The following GAK variants were observed in gnomAD, a reference collection of about 807,000 sequenced individuals.
The protein encoded by GAK is cyclin G associated kinase.
Under a neutral mutation model 143.9 loss-of-function variants are expected in GAK, and 79 were observed. The ratio of observed to expected loss-of-function variants is 0.55; its 90% confidence interval spans 0.46 to 0.66. GAK has a LOEUF of 0.66. GAK is among the 30% of genes least tolerant of loss of function. GAK has a pLI of 0.00. For missense variants in GAK, 1,693 were observed against 1,779.7 expected (o/e 0.95, Z 0.88); for synonymous variants, 881 against 765.5 (o/e 1.15, Z -2.49).
chr4:893,392 C>T lies in GAK; in HGVS notation c.975G>A (p.Lys325=), dbSNP rs761048019. The T allele has an allele frequency of 7.6e-6, 12 of 1,581,932 alleles. No individual in the cohort carries two copies. Among genetic ancestry groups the T allele is most frequent in the Non-Finnish European group, 8.6e-6 (10 of 1,164,154 alleles). ...EIAAARNVNP[K]SPITELLEQN... is the part of the protein sequence containing the mutation. ...CCTCCCTCACCTCTGTGATGGGAGA[C>T]TTGGGGTTCACGTTGCGGGCGGCCG... Residue 325 remains lysine (K), a synonymous_variant, in exon 9 of 28, where the codon AAG becomes AAA. Transcript: ENST00000314167.
chr4:856,438 CACAGCTGCTCACT>C (rs1257328976), intron 24 of GAK, among the ~76,000 whole-genome samples: 12 of 142,004 alleles, frequency 8.5e-5, no homozygotes, highest in Middle Eastern at 4.5e-3. Flanking sequence ...ACCTGCTCAC[CACAGCTGCTCACT>C]ACAGCTGCTC....
intron 22 of GAK, among the ~76,000 whole-genome samples, chr4:865,738 C>T (rs1751056320): frequency 6.6e-6 from 1 of 152,238 alleles, no homozygotes; most frequent in African/African-American, 2.4e-5. Flanking sequence ...CACAAGCCAT[C>T]CTGCAATGGT....
chr4:874,529 G>A (rs1382176516), intron 18 of GAK, among the ~76,000 whole-genome samples: 2 of 152,088 alleles, frequency 1.3e-5, no homozygotes, highest in African/African-American at 2.4e-5. Context: ...GAGACGGCGC[G>A]CCTCAGCTGC....
chr4:868,966 T>A lies in GAK; in HGVS notation c.2249-281A>T, dbSNP rs568092059. The A allele has an allele frequency of 6.4e-5, 29 of 453,204 alleles. No individual in the cohort carries two copies. The South Asian group carries it at 6.6e-4, about 10-fold the overall frequency. The allele number at this position is 453,204 out of a possible 1,614,324, so 28.1% of individuals were successfully genotyped here. A position where few individuals can be genotyped will look rare whatever the true frequency, so the allele number is the denominator to read the frequency against. ...ACTGAGGCATCAAACGCCACACATA[T>A]GCAGGGTACACATGAATGCACACAC... On this transcript the variant is annotated intron_variant, in intron 19 of 27. Transcript: ENST00000314167.
intron 4 of GAK, among the ~76,000 whole-genome samples, chr4:906,940 A>C (rs1721185019): frequency 1.3e-5 from 2 of 152,116 alleles, no homozygotes; most frequent in African/African-American, 4.8e-5. Flanking sequence ...CCTCCCAAGG[A>C]ACCAACTCTG....
chr4:887,270 CACG>C (rs1716607088), intron 11 of GAK: 1 of 132,590 alleles, frequency 7.5e-6, no homozygotes, highest in African/African-American at 2.6e-5. Context: ...CACGCGCACT[CACG>C]TGTACACATG....
chr4:850,548 G>C, intron 26 of GAK: 1 of 193,756 alleles, frequency 5.2e-6, no homozygotes, highest in Non-Finnish European at 1.1e-5. Flanking sequence ...GAGCGTCCTG[G>C]GTTGGGAGGC....
At chr4:919,386 G>A (rs1723575093) in intron 1 of GAK, among the ~76,000 whole-genome samples, 1 of 152,236 alleles carries the variant, frequency 6.6e-6, no homozygotes, top group East Asian at 1.9e-4. Flanking sequence ...TAGAAAGACA[G>A]AAGGCTCCAA....
intron 23 of GAK, among the ~76,000 whole-genome samples, chr4:861,429 T>G (rs899049473): frequency 2.1e-4 from 32 of 152,156 alleles, no homozygotes; most frequent in African/African-American, 7.2e-4. Flanking sequence ...CTACAAAAAA[T>G]AAATTTAAAA....
intron 24 of GAK, among the ~76,000 whole-genome samples, chr4:858,437 C>A (rs1015385718): frequency 6.6e-6 from 1 of 152,112 alleles, no homozygotes; most frequent in Non-Finnish European, 1.5e-5. Flanking sequence ...TCCTTCTGCC[C>A]CAGTGCCGGC....
At chr4:930,797 G>A (rs1347961443) in intron 1 of GAK, among the ~76,000 whole-genome samples, 2 of 152,086 alleles carry the variant, frequency 1.3e-5, no homozygotes, top group Non-Finnish European at 2.9e-5. Flanking sequence ...AATCTGTTTG[G>A]TTTTGACCAC....
At chr4:882,906 C>A (rs568238395) in intron 13 of GAK, 87 bp from the exon 14 acceptor site, 2 of 1,520,130 alleles carry the variant, frequency 1.3e-6, no homozygotes, top group African/African-American at 2.7e-5. Context: ...GCCTGCAGTG[C>A]GGGGGCCTCC....
At chr4:914,384 C>T (rs1295458284) in intron 1 of GAK, among the ~76,000 whole-genome samples, 1 of 122,444 alleles carries the variant, frequency 8.2e-6, no homozygotes, top group Non-Finnish European at 1.7e-5. Flanking sequence ...ACACACAGCC[C>T]CAGCATGCAC....
At chr4:894,212 C>T (rs781359303) in intron 7 of GAK, 25 of 481,476 alleles carry the variant, frequency 5.2e-5, no homozygotes, top group African/African-American at 2.2e-4. Flanking sequence ...GGGGTGACAC[C>T]GGGGCCTGCG....
intron 11 of GAK, chr4:888,223 G>T (rs1448514882): frequency 1.3e-5 from 2 of 152,328 alleles, no homozygotes; most frequent in African/African-American, 4.8e-5. Flanking sequence ...TTGAGCTGGT[G>T]CGACCGCAGG....
At chr4:900,866 G>A (rs945498631) in intron 5 of GAK, among the ~76,000 whole-genome samples, 2 of 152,124 alleles carry the variant, frequency 1.3e-5, no homozygotes, top group African/African-American at 4.8e-5. Context: ...AAAGGGCCTG[G>A]GGCATGGCTC....
chr4:897,560 G>A (rs775724505), intron 6 of GAK, among the ~76,000 whole-genome samples: 2 of 152,240 alleles, frequency 1.3e-5, no homozygotes, highest in Admixed American at 6.5e-5. Flanking sequence ...AGCCAAGGAC[G>A]TGAGGGGCTC....
intron 24 of GAK, chr4:852,407 T>G: frequency 4.7e-6 from 1 of 213,940 alleles, no homozygotes; most frequent in African/African-American, 2.3e-5. Context: ...ACGTGGCCAC[T>G]GCCTCTCGCA....
chr4:903,906 G>A (rs537651479), intron 5 of GAK, among the ~76,000 whole-genome samples: 9 of 152,368 alleles, frequency 5.9e-5, no homozygotes, highest in South Asian at 2.1e-4. Context: ...GCAGGGAGGC[G>A]GGGCCATCCC....
Sources: allele counts gnomAD v4.1 joint callset (sites outside exome capture counted in the v4.1 genomes callset), GRCh38; gene constraint gnomAD v4.1.1; transcripts MANE v1.5; gene names NCBI Gene and HGNC (gene_info 2026-07-23, HGNC 2026-07-21).